Variants in PTDSS1 observed in about 807,000 individuals in gnomAD.
PTDSS1 encodes PSS-1.
A neutral mutation model predicts 70.5 loss-of-function variants in PTDSS1; 45 were observed. The observed-to-expected ratio is 0.64, with a 90% CI of 0.50 to 0.82. The LOEUF is 0.82. Ranked by LOEUF, PTDSS1 falls within the 40% of genes least tolerant of loss-of-function variation. PTDSS1 has a pLI of 0.00. For synonymous variants in PTDSS1, 188 were observed against 203.8 expected (o/e 0.92, Z 0.66); for missense variants, 417 against 586.1 (o/e 0.71, Z 2.98).
intron 12 of PTDSS1, among the ~76,000 whole-genome samples, chr8:96,331,519 A>G (rs1811516048): frequency 6.6e-6 from 1 of 150,732 alleles, no homozygotes; most frequent in Non-Finnish European, 1.5e-5. Flanking sequence ...GCAGAGTAAG[A>G]CTCTGTCTCA....
intron 5 of PTDSS1, among the ~76,000 whole-genome samples, chr8:96,295,920 T>G (rs1810967190): frequency 6.6e-6 from 1 of 152,058 alleles, no homozygotes; most frequent in Admixed American, 6.6e-5. Context: ...GTGGCTTCTG[T>G]TAATGTGCCT....
At chr8:96,281,201 A>G (rs1254349236) in intron 2 of PTDSS1, among the ~76,000 whole-genome samples, 1 of 152,202 alleles carries the variant, frequency 6.6e-6, no homozygotes, top group African/African-American at 2.4e-5. Context: ...AAGTAAAATG[A>G]TACTTTTAGC....
At chr8:96,303,372 G>C (rs1811076912) in intron 6 of PTDSS1, among the ~76,000 whole-genome samples, 1 of 152,184 alleles carries the variant, frequency 6.6e-6, no homozygotes, top group African/African-American at 2.4e-5. Flanking sequence ...GGCCTGACTG[G>C]TTGGTGCTTG....
rs1491459864 is a variant in PTDSS1, at chr8:96,287,185, ACT to A, written c.441+42_441+43del. On this transcript the variant is annotated intron_variant, in intron 4 of 12. Coordinates refer to ENST00000517309, the MANE Select transcript of PTDSS1 (RefSeq NM_014754.3). ...AGTGGCCTCTTGGAGAAACTCGTAG[ACT>A]CTTTCTTGGGTGTAAGAGGTAATAG... The A allele has an allele frequency of 7.5e-6, 12 of 1,608,068 alleles. No homozygotes were observed. The South Asian group carries it at 1.2e-4, about 16-fold the overall frequency.
intron 1 of PTDSS1, among the ~76,000 whole-genome samples, chr8:96,266,482 T>C (rs903209515): frequency 6.6e-6 from 1 of 152,230 alleles, no homozygotes; most frequent in Admixed American, 6.5e-5. Context: ...TGTGGCCACC[T>C]GTATTATATT....
intron 8 of PTDSS1, among the ~76,000 whole-genome samples, chr8:96,307,134 G>C (rs192026220): frequency 6.6e-6 from 1 of 152,148 alleles, no homozygotes; most frequent in African/African-American, 2.4e-5. Flanking sequence ...AGTAGACTGG[G>C]CCCAGTGCAG....
At chr8:96,270,796 G>A (rs1056927046) in intron 1 of PTDSS1, among the ~76,000 whole-genome samples, 6 of 151,988 alleles carry the variant, frequency 3.9e-5, no homozygotes, top group African/African-American at 7.3e-5. Flanking sequence ...ATTTTATTCC[G>A]TTTAATCAAC....
Position 96,304,150 on chromosome 8 carries a change from C to G in PTDSS1, c.863C>G (p.Ala288Gly). Residue 288 changes from alanine (A) to glycine (G), a missense_variant, in exon 7 of 13, where the codon GCT (alanine) becomes GGT (glycine). Physicochemically the swap from Ala to Gly is moderately conservative, Grantham distance 60 (BLOSUM62 0). Transcript: ENST00000517309. ...FDPKSSFQRVAGVYLFMIIWQ... is the reference protein window; with the variant it reads ...FDPKSSFQRVGGVYLFMIIWQ... ...CCCAAATCTTCTTTTCAGAGAGTAG[C>G]TGGAGTGTACCTTTTCATGATCATC... 2.5e-6 allele frequency: 4 copies of G among 1,613,202 alleles called. No individual in the cohort carries two copies. Among genetic ancestry groups the G allele is most frequent in the Non-Finnish European group, 3.4e-6 (4 of 1,179,760 alleles).
At chr8:96,282,224 A>G (rs983134597) in intron 2 of PTDSS1, among the ~76,000 whole-genome samples, 1 of 152,234 alleles carries the variant, frequency 6.6e-6, no homozygotes, top group African/African-American at 2.4e-5. Flanking sequence ...GTCAAGAGCT[A>G]TCGCCTACCA....
chr8:96,266,192 C>T (rs1050722709), intron 1 of PTDSS1, among the ~76,000 whole-genome samples: 2 of 152,216 alleles, frequency 1.3e-5, no homozygotes, highest in African/African-American at 4.8e-5. Flanking sequence ...CCTTAAGAGG[C>T]ACCTGCCATT....
chr8:96,279,020 G>T (rs2130028563), intron 2 of PTDSS1, among the ~76,000 whole-genome samples: 1 of 146,942 alleles, frequency 6.8e-6, no homozygotes, highest in East Asian at 2.0e-4. Context: ...GCCCAGGCTG[G>T]AGTGCAGTAG....
At chr8:96,273,709 TG>T (rs1810599960) in intron 2 of PTDSS1, among the ~76,000 whole-genome samples, 1 of 152,238 alleles carries the variant, frequency 6.6e-6, no homozygotes, top group African/African-American at 2.4e-5. Context: ...TAAATGTGGT[TG>T]TTTTTGTTGC....
chr8:96,312,223 G>C (rs1313494981), intron 9 of PTDSS1, among the ~76,000 whole-genome samples: 2 of 152,214 alleles, frequency 1.3e-5, no homozygotes. Flanking sequence ...GGCTGAGGTG[G>C]GAGGATCGCT....
chr8:96,313,293 C>T lies in PTDSS1; in HGVS notation c.1073+3671C>T, dbSNP rs73277939. The stretch of plus-strand genomic sequence containing the variant: ...GGTGTTGCACTCAGCAGAGAGAGGG[C>T]GCCATCCAGCAAGGGAATGGGATCC... On this transcript the variant is annotated intron_variant, in intron 9 of 12. Transcript: ENST00000517309. 4.0e-3 allele frequency among the ~76,000 whole-genome samples: 616 copies of T among 152,272 alleles called. 2 individuals are homozygous for T. The highest frequency in any genetic ancestry group is 0.013 in the African/African-American group (558 of 41,550).
intron 3 of PTDSS1, among the ~76,000 whole-genome samples, chr8:96,284,721 A>C (rs185126840): frequency 6.6e-6 from 1 of 152,244 alleles, no homozygotes; most frequent in African/African-American, 2.4e-5. Flanking sequence ...TGAATCTTCA[A>C]AACTTTGGAT....
intron 2 of PTDSS1, among the ~76,000 whole-genome samples, chr8:96,281,462 C>T (rs1449516769): frequency 6.6e-6 from 1 of 152,078 alleles, no homozygotes; most frequent in Non-Finnish European, 1.5e-5. Flanking sequence ...GCAAAAGTTA[C>T]CAGTGGTTCC....
At chr8:96,312,477 T>A (rs796092344) in intron 9 of PTDSS1, among the ~76,000 whole-genome samples, 151 of 137,898 alleles carry the variant, frequency 1.1e-3, no homozygotes, top group South Asian at 2.5e-3. Flanking sequence ...TTTTTTTTTT[T>A]AAAAAAAAAA....
At chr8:96,298,257 A>G (rs1181884781) in intron 5 of PTDSS1, among the ~76,000 whole-genome samples, 2 of 152,230 alleles carry the variant, frequency 1.3e-5, no homozygotes, top group Non-Finnish European at 2.9e-5. Context: ...TTCATTAAGA[A>G]CAAAAAATTC....
intron 2 of PTDSS1, among the ~76,000 whole-genome samples, chr8:96,276,080 G>A (rs147759649): frequency 3.1e-4 from 47 of 152,270 alleles, no homozygotes; most frequent in African/African-American, 8.4e-4. Context: ...TTACTTTTTC[G>A]TGGCTTTGAA....
Sources: allele counts gnomAD v4.1 joint callset (sites outside exome capture counted in the v4.1 genomes callset), GRCh38; gene constraint gnomAD v4.1.1; transcripts MANE v1.5; gene names NCBI Gene and HGNC (gene_info 2026-07-23, HGNC 2026-07-21).